Variants in EVI5 observed in about 807,000 individuals in gnomAD.
The protein encoded by EVI5 is ecotropic viral integration site 5.
EVI5 carries 73 observed loss-of-function variants against 112.0 expected under a neutral mutation model. The observed-to-expected ratio is 0.65, with a 90% CI of 0.54 to 0.79. EVI5 has a LOEUF of 0.79. Among genes scored for constraint, EVI5 ranks in the 30% least tolerant of loss-of-function variants. EVI5 has a pLI of 0.00. For synonymous variants in EVI5, 305 were observed against 319.9 expected (o/e 0.95, Z 0.50); for missense variants, 900 against 968.8 (o/e 0.93, Z 0.94).
chr1:92,528,597 A>T (rs1445916839), intron 19 of EVI5, among the ~76,000 whole-genome samples: 2 of 152,250 alleles, frequency 1.3e-5, no homozygotes, highest in East Asian at 3.8e-4. Flanking sequence ...ATATATTCAT[A>T]TGAGATACTA....
At chr1:92,613,705 C>T (rs932646509) in intron 16 of EVI5, among the ~76,000 whole-genome samples, 8 of 152,140 alleles carry the variant, frequency 5.3e-5, no homozygotes, top group African/African-American at 1.2e-4. Flanking sequence ...CCTCCCACCT[C>T]GGCCTCTCAA....
At chr1:92,648,607 T>C (rs1055100949) in intron 13 of EVI5, among the ~76,000 whole-genome samples, 1 of 152,212 alleles carries the variant, frequency 6.6e-6, no homozygotes, top group Non-Finnish European at 1.5e-5. Flanking sequence ...TTCTAGATAT[T>C]TCCTATAAAT....
At chr1:92,785,705 G>A (rs1685560972), upstream of EVI5, among the ~76,000 whole-genome samples, 1 of 152,164 alleles carries the variant, frequency 6.6e-6, no homozygotes, top group South Asian at 2.1e-4. Context: ...TGTTTGGGAC[G>A]GAAACAGCCT....
At chr1:92,620,488 C>A (rs1276341457) in intron 16 of EVI5, among the ~76,000 whole-genome samples, 1 of 147,994 alleles carries the variant, frequency 6.8e-6, no homozygotes, top group Non-Finnish European at 1.5e-5. Flanking sequence ...CATATTCGAC[C>A]TGCTACAAAC....
upstream of EVI5, among the ~76,000 whole-genome samples, chr1:92,787,982 T>A (rs1558265543): frequency 6.8e-6 from 1 of 147,744 alleles, no homozygotes; most frequent in South Asian, 2.2e-4. Context: ...GAAAAGAAAA[T>A]TAATCTGTGG....
intron 18 of EVI5, among the ~76,000 whole-genome samples, chr1:92,564,438 GA>G (rs994322884): frequency 3.3e-5 from 5 of 151,098 alleles, no homozygotes; most frequent in Admixed American, 6.6e-5. Flanking sequence ...GAAAAGGGGG[GA>G]AAAAAAAGAA....
At chr1:92,790,756 T>G (rs372512942) in intron 1 of EVI5, among the ~76,000 whole-genome samples, 24 of 151,284 alleles carry the variant, frequency 1.6e-4, no homozygotes, top group African/African-American at 5.8e-4. Flanking sequence ...GAGGTGGAGG[T>G]TGCAGTGAGC....
At position 92,696,526 on chromosome 1, in the gene EVI5, A is replaced by G. The variant is rs1670344470; in HGVS notation, c.766-1073T>C. Among the ~76,000 whole-genome samples, 7 of 152,102 alleles carry G rather than the reference A, an allele frequency of 4.6e-5. No homozygotes were observed. In the South Asian group the frequency reaches 1.4e-3, roughly 32 times the overall value. On this transcript the variant is annotated intron_variant, in intron 6 of 19. Transcript: ENST00000684568. ...GTGGTATACACCTGTAGTTTCAGCTATCCAGGAGGCTGAGGGAGGAGGATG... is the reference window on the plus strand; with the variant it reads ...GTGGTATACACCTGTAGTTTCAGCTGTCCAGGAGGCTGAGGGAGGAGGATG...
intron 18 of EVI5, among the ~76,000 whole-genome samples, chr1:92,599,795 G>T (rs1014156092): frequency 1.3e-5 from 2 of 152,172 alleles, no homozygotes; most frequent in African/African-American, 4.8e-5. Context: ...TTCACAGTGG[G>T]CAGAATACAG....
rs1166083357 is a variant in EVI5, at chr1:92,583,979, C to T, written c.2071-20242G>A. Among the ~76,000 whole-genome samples, 13 of 152,134 alleles carry T rather than the reference C, an allele frequency of 8.5e-5. No homozygotes were observed. In the East Asian group the frequency reaches 2.5e-3, roughly 29 times the overall value. On this transcript the variant is annotated intron_variant, in intron 18 of 19. Coordinates refer to ENST00000684568, the MANE Select transcript of EVI5 (RefSeq NM_001350197.2). Reference sequence around the variant, plus strand: ...TTTTCATAGAGATTTCAAAATAAATCTAAGGTTATGCATAGGATGTGGGTT... The same window carrying T: ...TTTTCATAGAGATTTCAAAATAAATTTAAGGTTATGCATAGGATGTGGGTT...
intron 18 of EVI5, among the ~76,000 whole-genome samples, chr1:92,597,730 C>T (rs762225929): frequency 3.3e-5 from 5 of 152,146 alleles, no homozygotes; most frequent in Non-Finnish European, 5.9e-5. Context: ...TACTGAATGA[C>T]GGTTATGTAC....
chr1:92,600,913 G>A (rs1649027803), intron 18 of EVI5, among the ~76,000 whole-genome samples: 1 of 152,164 alleles, frequency 6.6e-6, no homozygotes, highest in Admixed American at 6.5e-5. Context: ...GTTTGTAAAA[G>A]CCAAAACCTC....
intron 13 of EVI5, among the ~76,000 whole-genome samples, chr1:92,640,935 T>C (rs74637009): frequency 0.022 from 3,287 of 152,234 alleles, 122 homozygotes; most frequent in African/African-American, 0.073. Flanking sequence ...TGCAGGGACA[T>C]AGAAGCCATC....
At chr1:92,693,695 T>A (rs1012990990) in intron 9 of EVI5, 107 bp downstream of exon 9, 1 of 657,414 alleles carries the variant, frequency 1.5e-6, no homozygotes, top group Non-Finnish European at 2.7e-6. Context: ...TTGAAACCAA[T>A]ACCACCGAAG....
chr1:92,661,565 G>GT (rs1006382089), intron 13 of EVI5, among the ~76,000 whole-genome samples: 4 of 151,708 alleles, frequency 2.6e-5, no homozygotes, highest in South Asian at 2.1e-4. Context: ...ATCCACAATT[G>GT]TTTTTTTCTT....
rs1570462708 is a variant in EVI5, at chr1:92,703,870, C to T, written c.340-251G>A. 4 of 266,042 alleles carry T rather than the reference C, an allele frequency of 1.5e-5. No homozygotes were observed. In the East Asian group the frequency reaches 4.2e-4, roughly 28 times the overall value. The allele number at this position is 266,042 out of a possible 1,614,324, so 16.5% of individuals were successfully genotyped here. ...GTGTGTGACCTCTTAAGGTAATGGA[C>T]TTGAAACCTGCAGAGCTGTGAATGA... On this transcript the variant is annotated intron_variant, in intron 3 of 19. Transcript: ENST00000684568.
At chr1:92,784,048 G>C (rs1186923539) in intron 1 of EVI5, among the ~76,000 whole-genome samples, 1 of 152,154 alleles carries the variant, frequency 6.6e-6, no homozygotes, top group Non-Finnish European at 1.5e-5. Flanking sequence ...ACCACTTCAA[G>C]AAAATACTTC....
intron 9 of EVI5, among the ~76,000 whole-genome samples, chr1:92,680,647 A>G (rs1269893441): frequency 6.6e-6 from 1 of 152,246 alleles, no homozygotes. Context: ...AAAAGGGGAA[A>G]TAATAACTTT....
chr1:92,735,374 C>T (rs1677148394), intron 2 of EVI5, among the ~76,000 whole-genome samples: 1 of 151,618 alleles, frequency 6.6e-6, no homozygotes, highest in African/African-American at 2.4e-5. Flanking sequence ...GGGACAGCGA[C>T]GGGGATAATG....
Sources: allele counts gnomAD v4.1 joint callset (sites outside exome capture counted in the v4.1 genomes callset), GRCh38; gene constraint gnomAD v4.1.1; transcripts MANE v1.5; gene names NCBI Gene and HGNC (gene_info 2026-07-23, HGNC 2026-07-21).